The following HCRTR1 variants were observed in gnomAD, a reference collection of about 807,000 sequenced individuals.
HCRTR1 encodes the protein hypocretin receptor 1, also known as orexin/Hypocretin receptor type 1.
Under a neutral mutation model 40.6 loss-of-function variants are expected in HCRTR1, and 28 were observed. The observed-to-expected ratio is 0.69, with a 90% CI of 0.51 to 0.95. The LOEUF (loss-of-function observed/expected upper bound fraction) is 0.95. HCRTR1 is among the 40% of genes least tolerant of loss of function. The probability of loss-of-function intolerance (pLI) is 0.00; values close to 1 mark genes in which losing one functional copy is unlikely to be tolerated. For missense variants in HCRTR1, 482 were observed against 564.7 expected (o/e 0.85, Z 1.48); for synonymous variants, 209 against 230.0 (o/e 0.91, Z 0.83).
At chr1:31,620,205 C>T (rs948642691) in intron 4 of HCRTR1, among the ~76,000 whole-genome samples, 4 of 152,214 alleles carry the variant, frequency 2.6e-5, no homozygotes, top group Non-Finnish European at 4.4e-5. Flanking sequence ...CAGTTTGTAT[C>T]CTGTGATCCA....
chr1:31,633,786 T>A (rs367685273), downstream of HCRTR1, among the ~76,000 whole-genome samples: 2 of 151,898 alleles, frequency 1.3e-5, no homozygotes, highest in African/African-American at 4.8e-5. Context: ...AGAAACCCCG[T>A]CTCTACTAAA....
intron 4 of HCRTR1, 75 bp from the exon 5 acceptor site, chr1:31,620,768 C>A: frequency 6.4e-7 from 1 of 1,558,088 alleles, no homozygotes; most frequent in Non-Finnish European, 8.7e-7. Context: ...CACCTGCCGT[C>A]AGCCTCCTCA....
downstream of HCRTR1, chr1:31,633,208 GA>G: frequency 6.2e-7 from 1 of 1,614,064 alleles, no homozygotes; most frequent in Non-Finnish European, 8.5e-7. Flanking sequence ...AATTGCAGTT[GA>G]CCAGGGCCTG....
downstream of HCRTR1, among the ~76,000 whole-genome samples, chr1:31,629,553 T>G (rs1481241990): frequency 6.6e-6 from 1 of 152,132 alleles, no homozygotes; most frequent in African/African-American, 2.4e-5. Context: ...AACTAGGGCC[T>G]GAGAAAATAG....
In HCRTR1 at chr1:31,626,355, G is replaced by C. The variant is rs937791723; in HGVS notation, c.1088-435G>C. ...GGGTGCTGGGATGCTCTGGCGGACA[G>C]AGGCTGAGGCGCCCAGCACAGCGTG... On this transcript the variant is annotated intron_variant, in intron 8 of 8. Coordinates refer to ENST00000403528, the MANE Select transcript of HCRTR1 (RefSeq NM_001525.3). This position sits in a 1 kb window ranked among gnomAD's most constrained non-coding sequence, Gnocchi z 4.6. Among the ~76,000 whole-genome samples, 25 of 152,232 alleles carry C rather than the reference G, an allele frequency of 1.6e-4. No individual in the cohort carries two copies. Among genetic ancestry groups the C allele is most frequent in the African/African-American group, 5.8e-4 (24 of 41,452 alleles).
rs765422061 is a variant in HCRTR1, at chr1:31,625,075, C to T, written c.1044C>T (p.Tyr348=). ...ACFTFSHWLV[Y]ANSAANPIIY... Reference sequence around the variant, plus strand: ...TCACCTTCTCCCACTGGCTGGTGTACGCCAACAGCGCTGCCAACCCCATCA... The same window carrying T: ...TCACCTTCTCCCACTGGCTGGTGTATGCCAACAGCGCTGCCAACCCCATCA... The change falls in exon 8 of 9, where the codon TAC becomes TAT. Residue 348 remains tyrosine, a synonymous_variant. Coordinates refer to ENST00000403528, the MANE Select transcript of HCRTR1 (RefSeq NM_001525.3). The surrounding 1 kb of genome is among the most constrained non-coding windows in gnomAD (Gnocchi z 4.2). The T allele has an allele frequency of 2.3e-5, 37 of 1,612,460 alleles. No homozygotes were observed. Among genetic ancestry groups the T allele is most frequent in the East Asian group, 6.7e-5 (3 of 44,828 alleles).
At position 31,620,933 on chromosome 1, in the gene HCRTR1, A is replaced by T; in HGVS notation, c.469A>T (p.Thr157Ser). Residue 157 changes from threonine (T) to serine (S), a missense_variant, in exon 5 of 9, where the codon ACA becomes TCA. Physicochemically the swap from Thr to Ser is moderately conservative, Grantham distance 58. Coordinates refer to ENST00000403528, the MANE Select transcript of HCRTR1 (RefSeq NM_001525.3). Reference protein sequence around the residue: ...AICHPLLFKSTARRARGSILG... With the variant: ...AICHPLLFKSSARRARGSILG... ...CTGCCACCCACTATTGTTCAAGAGC[A>T]CAGCCCGGCGGGCCCGTGGCTCCAT... 1 of 1,614,118 alleles carries T rather than the reference A, an allele frequency of 6.2e-7. No individual in the cohort carries two copies. The highest frequency in any genetic ancestry group is 8.5e-7 in the Non-Finnish European group (1 of 1,180,022).
chr1:31,626,717 G>A lies in HCRTR1; in HGVS notation c.1088-73G>A. 6.5e-7 allele frequency: 1 copy of A among 1,533,332 alleles called. No individual in the cohort carries two copies. Among genetic ancestry groups the A allele is most frequent in the Non-Finnish European group, 8.8e-7 (1 of 1,137,944 alleles). The allele number at this position is 1,533,332 out of a possible 1,614,324, so 95.0% of individuals were successfully genotyped here. On this transcript the variant is annotated intron_variant, in intron 8 of 8. Coordinates refer to ENST00000403528, the MANE Select transcript of HCRTR1 (RefSeq NM_001525.3). The surrounding 1 kb of genome is among the most constrained non-coding windows in gnomAD (Gnocchi z 4.6). The stretch of plus-strand genomic sequence containing the variant: ...AGGCAGCTTGGCTGGAGCTGCGTGG[G>A]TGTCCCTGGGCTCAAGGCCCCTTCC...
In HCRTR1 at chr1:31,625,285, G is replaced by A. The variant is rs867305680; in HGVS notation, c.1087+167G>A. ...GACCCACCCCAAGCGGCCCTGGCCT[G>A]AGTGGGAGACGGGCCACACTCCCTA... On this transcript the variant is annotated intron_variant, in intron 8 of 8. Coordinates refer to ENST00000403528, the MANE Select transcript of HCRTR1 (RefSeq NM_001525.3). The surrounding 1 kb of genome is among the most constrained non-coding windows in gnomAD (Gnocchi z 4.2). 7.2e-5 allele frequency among the ~76,000 whole-genome samples: 11 copies of A among 152,358 alleles called. No individual in the cohort carries two copies. The highest frequency in any genetic ancestry group is 6.8e-3 in the Middle Eastern group (2 of 294).
chr1:31,623,434 G>A (rs539882375), intron 6 of HCRTR1, 89 bp from the exon 7 acceptor site: 33 of 1,083,392 alleles, frequency 3.0e-5, no homozygotes, highest in East Asian at 2.9e-4. Context: ...CACCCTGCCC[G>A]GGGTCCAGCC....
At position 31,626,509 on chromosome 1, in the gene HCRTR1, C is replaced by G. The variant is rs951070072; in HGVS notation, c.1088-281C>G. ...GAGAGCAGAGGTGACCTGAGGCCCC[C>G]GAGCCAGACACCACGTTTTGAGTCA... On this transcript the variant is annotated intron_variant, in intron 8 of 8. Coordinates refer to ENST00000403528, the MANE Select transcript of HCRTR1 (RefSeq NM_001525.3). The surrounding 1 kb of genome is among the most constrained non-coding windows in gnomAD (Gnocchi z 4.6). Among the ~76,000 whole-genome samples the G allele has an allele frequency of 6.6e-6, 1 of 152,164 alleles. No homozygotes were observed. The highest frequency in any genetic ancestry group is 1.9e-4 in the East Asian group (1 of 5,192).
chr1:31,627,423 CTG>C lies in HCRTR1; in HGVS notation c.*448_*449del, dbSNP rs1640004545. 2.6e-6 allele frequency: 3 copies of C among 1,140,196 alleles called. 1 individual carries two copies. 70.6% of individuals were successfully genotyped at this position (1,140,196 alleles called of 1,614,324 possible). Reference sequence around the variant, plus strand: ...TGCACTTGGCCAGCTGTTCTGATGCCTGTGTGAACTAATCTGGGCCCAGCCTT... The same window carrying C: ...TGCACTTGGCCAGCTGTTCTGATGCCTGTGAACTAATCTGGGCCCAGCCTT... On this transcript the variant is annotated 3_prime_UTR_variant, in exon 9 of 9. Transcript: ENST00000403528.
downstream of HCRTR1, among the ~76,000 whole-genome samples, chr1:31,634,202 C>A (rs1332660876): frequency 6.6e-6 from 1 of 152,174 alleles, no homozygotes; most frequent in Non-Finnish European, 1.5e-5. Context: ...TAGCCATCTT[C>A]CTAAAACATC....
chr1:31,630,943 G>A, downstream of HCRTR1: 1 of 987,898 alleles, frequency 1.0e-6, no homozygotes, highest in Admixed American at 2.0e-5. Context: ...AACTTCGAGA[G>A]GATGGGCACA....
downstream of HCRTR1, chr1:31,630,786 G>A (rs1313849281): frequency 9.3e-6 from 15 of 1,613,538 alleles, no homozygotes; most frequent in Admixed American, 6.7e-5. Context: ...GGGCAGTAGC[G>A]GGAGACCAGA....
intron 7 of HCRTR1, among the ~76,000 whole-genome samples, chr1:31,624,158 T>C (rs1348195023): frequency 1.3e-5 from 2 of 151,966 alleles, no homozygotes; most frequent in Non-Finnish European, 2.9e-5. Context: ...TTAGATACAA[T>C]GGTTTAAAAA....
At position 31,626,198 on chromosome 1, in the gene HCRTR1, T is replaced by C. The variant is rs183176868; in HGVS notation, c.1088-592T>C. ...AATAATGTGGTGTGGTGGTCCCTCC[T>C]TCCCTCCTCCCCCTTGAGAAGGGCT... On this transcript the variant is annotated intron_variant, in intron 8 of 8. Transcript: ENST00000403528. The surrounding 1 kb of genome is among the most constrained non-coding windows in gnomAD (Gnocchi z 4.6). Among the ~76,000 whole-genome samples, 276 of 152,290 alleles carry C rather than the reference T, an allele frequency of 1.8e-3. No individual in the cohort carries two copies. Among genetic ancestry groups the C allele is most frequent in the African/African-American group, 6.3e-3 (260 of 41,562 alleles).
Position 31,621,055 on chromosome 1 carries a change from G to C in HCRTR1, c.591G>C (p.Arg197=), listed in dbSNP as rs779645918. Residue 197 remains arginine (R), a synonymous_variant, in exon 5 of 9, where the codon CGG becomes CGC. Coordinates refer to ENST00000403528, the MANE Select transcript of HCRTR1 (RefSeq NM_001525.3). The part of the protein sequence containing the change: ...SVLPELANRT[R]LFSVCDERWA... The stretch of plus-strand genomic sequence containing the variant: ...TGCCTGAGCTAGCCAACCGCACACG[G>C]CTCTTCTCAGTCTGTGATGAACGCT... 3.7e-6 allele frequency: 6 copies of C among 1,610,548 alleles called. No homozygotes were observed. The highest frequency in any genetic ancestry group is 5.1e-6 in the Non-Finnish European group (6 of 1,179,906).
chr1:31,628,266 T>C (rs1219051989), downstream of HCRTR1, among the ~76,000 whole-genome samples: 1 of 152,186 alleles, frequency 6.6e-6, no homozygotes, highest in African/African-American at 2.4e-5. Flanking sequence ...CCCAGGAGTG[T>C]TGAAGCACTG....
Sources: allele counts gnomAD v4.1 joint callset (sites outside exome capture counted in the v4.1 genomes callset), GRCh38; gene constraint gnomAD v4.1.1; non-coding constraint Gnocchi (gnomAD v3.1); transcripts MANE v1.5; gene names NCBI Gene and HGNC (gene_info 2026-07-23, HGNC 2026-07-21).